The following ATAD2B variants were observed in gnomAD, a reference collection of about 807,000 sequenced individuals.
The protein encoded by ATAD2B is ATPase family AAA domain-containing protein 2B.
In ATAD2B, 40 loss-of-function variants were observed where a neutral mutation model predicts 167.6. That is an observed-to-expected ratio of 0.24 (90% CI 0.19 to 0.31). ATAD2B has a LOEUF of 0.31. ATAD2B is among the 10% of genes least tolerant of loss of function. The pLI is 1.00. For synonymous variants in ATAD2B, 579 were observed against 596.5 expected, an observed-to-expected ratio of 0.97 and a Z score of 0.43; for missense variants, 1,242 against 1,757.2, an observed-to-expected ratio of 0.71 and a Z score of 5.24.
chr2:23,873,190 T>C (rs1474210311), intron 8 of ATAD2B, among the ~76,000 whole-genome samples: 4 of 152,204 alleles, frequency 2.6e-5, no homozygotes, highest in African/African-American at 9.6e-5. Context: ...CTATAACATA[T>C]AGAAATGTAA....
chr2:23,879,553 A>G (rs11125293), intron 7 of ATAD2B, among the ~76,000 whole-genome samples: 28,143 of 152,102 alleles, frequency 0.19, 2,712 homozygotes, highest in Middle Eastern at 0.26. Flanking sequence ...GCTGTAGTGT[A>G]TTATATTTGT....
chr2:23,810,621 T>C, intron 17 of ATAD2B, 119 bp from the exon 18 acceptor site: 2 of 779,296 alleles, frequency 2.6e-6, no homozygotes, highest in East Asian at 2.7e-5. Context: ...AACTTTCCTA[T>C]ATTATTTTAG....
the ATAD2B span, among the ~76,000 whole-genome samples, chr2:23,702,134 T>C: frequency 0.015 from 2,268 of 152,252 alleles, 22 homozygotes; most frequent in South Asian, 0.03. Context: ...ACATGGCTCT[T>C]TTTAACTACC....
chr2:23,739,973 CACA>C, the ATAD2B span, among the ~76,000 whole-genome samples: 2 of 152,202 alleles, frequency 1.3e-5, no homozygotes, highest in South Asian at 4.1e-4. Flanking sequence ...AATTCCTCGA[CACA>C]TACATCCTCC....
intron 13 of ATAD2B, among the ~76,000 whole-genome samples, chr2:23,848,463 G>T (rs529940305): frequency 4.1e-4 from 62 of 152,302 alleles, no homozygotes; most frequent in African/African-American, 1.4e-3. Context: ...CTGGGTGACA[G>T]AGTGAGACTC....
At chr2:23,878,013 AG>A (rs141576135) in intron 7 of ATAD2B, among the ~76,000 whole-genome samples, 22,112 of 60,236 alleles carry the variant, frequency 0.37, 6,542 homozygotes, top group African/African-American at 0.42. Flanking sequence ...CTATCTCCAA[AG>A]AAAAAAAAAA....
chr2:23,714,454 A>G, the ATAD2B span, among the ~76,000 whole-genome samples: 13 of 148,150 alleles, frequency 8.8e-5, no homozygotes, highest in Admixed American at 6.7e-4. Context: ...GTTAGCCAGG[A>G]TGGTCTCCAT....
chr2:23,917,386 C>T (rs565074362), intron 1 of ATAD2B, among the ~76,000 whole-genome samples: 2 of 152,290 alleles, frequency 1.3e-5, no homozygotes, highest in East Asian at 1.9e-4. Context: ...CAAATCTTCA[C>T]ATATAAATAT....
the ATAD2B span, among the ~76,000 whole-genome samples, chr2:23,683,798 G>C: frequency 6.6e-6 from 1 of 152,104 alleles, no homozygotes; most frequent in Non-Finnish European, 1.5e-5. Flanking sequence ...TTGCTTTCCC[G>C]AAAAGTCCCC....
At chr2:23,828,461 T>C (rs903661582) in intron 15 of ATAD2B, among the ~76,000 whole-genome samples, 1 of 152,214 alleles carries the variant, frequency 6.6e-6, no homozygotes, top group Admixed American at 6.5e-5. Context: ...CGTTGTGTAA[T>C]CTGCAAAGTA....
chr2:23,754,887 G>T, intron 25 of ATAD2B, 113 bp from the exon 26 acceptor site: 2 of 1,109,220 alleles, frequency 1.8e-6, no homozygotes, highest in Non-Finnish European at 1.3e-6. Flanking sequence ...AATGAGGAAG[G>T]GTGTATTCTT....
chr2:23,765,677 A>T, intron 22 of ATAD2B, 49 bp from the exon 23 acceptor site: 1 of 1,165,520 alleles, frequency 8.6e-7, no homozygotes, highest in Non-Finnish European at 1.1e-6. Flanking sequence ...ATAAAATAAC[A>T]TTAACAAAGG....
intron 2 of ATAD2B, among the ~76,000 whole-genome samples, chr2:23,895,513 A>T (rs1405859363): frequency 2.6e-5 from 4 of 152,164 alleles, no homozygotes; most frequent in African/African-American, 9.6e-5. Flanking sequence ...TTTTCAAATA[A>T]AAATATAACT....
At chr2:23,866,100 G>GT (rs1485171707) in intron 10 of ATAD2B, 1 of 226,962 alleles carries the variant, frequency 4.4e-6, no homozygotes, top group African/African-American at 2.3e-5. Context: ...CTTGTATTTG[G>GT]TATCAAATTT....
At chr2:23,726,003 A>C in the ATAD2B span, among the ~76,000 whole-genome samples, 1 of 152,212 alleles carries the variant, frequency 6.6e-6, no homozygotes, top group Non-Finnish European at 1.5e-5. Flanking sequence ...ACACACACAC[A>C]CCCAAAAAGA....
At chr2:23,737,515 A>G in the ATAD2B span, among the ~76,000 whole-genome samples, 2 of 152,248 alleles carry the variant, frequency 1.3e-5, no homozygotes, top group African/African-American at 4.8e-5. Flanking sequence ...ACTAACAAAC[A>G]GAAAGGACAT....
At chr2:23,855,910 C>G (rs985061504) in intron 13 of ATAD2B, 1 of 152,304 alleles carries the variant, frequency 6.6e-6, no homozygotes, top group East Asian at 1.9e-4. Context: ...TTGGACCGGC[C>G]GGGCATGGTG....
At chr2:23,919,358 G>A (rs1477774649) in intron 1 of ATAD2B, among the ~76,000 whole-genome samples, 1 of 151,588 alleles carries the variant, frequency 6.6e-6, no homozygotes, top group Non-Finnish European at 1.5e-5. Flanking sequence ...ACCAGCCTGG[G>A]CAATGTGGCG....
Position 23,819,760 on chromosome 2 carries a change from G to A in ATAD2B, c.2254C>T (p.Leu752Phe), listed in dbSNP as rs1253483525. Reference protein sequence around the residue: ...SSSAAIHKPYLHFTMSPYHQP... With the variant: ...SSSAAIHKPYFHFTMSPYHQP... ...TAAATCACTCACATTGTAAAATGAA[G>A]GTAGGGTTTATGTATAGCAGCAGAT... The change falls in exon 17 of 28, where the codon CTT (leucine) becomes TTT (phenylalanine). Residue 752 changes from leucine to phenylalanine, a missense_variant. By Grantham distance (22) the Leu-to-Phe change is conservative. Coordinates refer to ENST00000238789, the MANE Select transcript of ATAD2B (RefSeq NM_017552.4). 6.2e-7 allele frequency: 1 copy of A among 1,600,178 alleles called. No individual in the cohort carries two copies. Among genetic ancestry groups the A allele is most frequent in the Non-Finnish European group, 8.5e-7 (1 of 1,173,868 alleles).
Sources: allele counts gnomAD v4.1 joint callset (sites outside exome capture counted in the v4.1 genomes callset), GRCh38; gene constraint gnomAD v4.1.1; transcripts MANE v1.5; gene names NCBI Gene and HGNC (gene_info 2026-07-23, HGNC 2026-07-21).